PDXDC1: variants seen among roughly 807,000 people sequenced by gnomAD.
The protein encoded by PDXDC1 is pyridoxal-dependent decarboxylase domain-containing protein 1.
Under a neutral mutation model 100.1 loss-of-function variants are expected in PDXDC1, and 42 were observed. That is an observed-to-expected ratio of 0.42 (90% CI 0.33 to 0.54). The LOEUF is 0.54. PDXDC1 is among the 20% of genes least tolerant of loss of function. The pLI, the probability that PDXDC1 is intolerant of heterozygous loss-of-function variation, is 0.10. For synonymous variants in PDXDC1, 260 were observed against 371.7 expected, an observed-to-expected ratio of 0.70 and a Z score of 3.46; for missense variants, 636 against 979.2, an observed-to-expected ratio of 0.65 and a Z score of 4.68.
intron 16 of PDXDC1, among the ~76,000 whole-genome samples, chr16:15,074,068 C>T (rs970565475): frequency 5.3e-5 from 8 of 152,188 alleles, no homozygotes; most frequent in African/African-American, 1.7e-4. Context: ...CTTCAAAATG[C>T]TCACAATGGT....
chr16:15,094,162 C>T, intron 16 of PDXDC1: 1 of 1,601,344 alleles, frequency 6.2e-7, no homozygotes, highest in South Asian at 1.1e-5. Flanking sequence ...TCGACGCGCC[C>T]AGCTTCTTAA....
chr16:15,005,317 A>AAAAGAAAG (rs1555551931), intron 5 of PDXDC1, among the ~76,000 whole-genome samples: 2 of 146,906 alleles, frequency 1.4e-5, no homozygotes, highest in East Asian at 2.1e-4. Flanking sequence ...AAAAAAAAAA[A>AAAAGAAAG]AAAGAAAACT....
rs1182878539 is a variant in PDXDC1, at chr16:15,034,328, G to A, written c.1855G>A (p.Glu619Lys). Residue 619 changes from glutamate (E) to lysine (K), a missense_variant, in exon 20 of 23, where the codon GAA (glutamate) becomes AAA (lysine). By Grantham distance (56) the Glu-to-Lys change is moderately conservative. Coordinates refer to ENST00000396410, the MANE Select transcript of PDXDC1 (RefSeq NM_015027.4). ...AGAAGTGGTTCGGAAAGGCATTCAGGAAGCTCAAGTGGAGCTGCAGAAGGC... is the reference window on the plus strand; with the variant it reads ...AGAAGTGGTTCGGAAAGGCATTCAGAAAGCTCAAGTGGAGCTGCAGAAGGC... ...MTEVVRKGIQEAQVELQKASE... is the reference protein window; with the variant it reads ...MTEVVRKGIQKAQVELQKASE... 2 of 1,613,480 alleles carry A rather than the reference G, an allele frequency of 1.2e-6. No individual in the cohort carries two copies. Among genetic ancestry groups the A allele is most frequent in the South Asian group, 2.2e-5 (2 of 91,056 alleles).
rs2048291480 is a variant in PDXDC1 at position 15,135,204 on chromosome 16, A to G, written c.1400-3675A>G. The G allele has an allele frequency of 6.4e-6, 5 of 778,336 alleles. 1 individual carries two copies. The East Asian group carries it at 1.3e-4, about 21-fold the overall frequency. 48.2% of individuals were successfully genotyped at this position (778,336 alleles called of 1,614,324 possible). A position where few individuals can be genotyped will look rare whatever the true frequency, so the allele number is the denominator to read the frequency against. ...AGAGCGCGCGGCCTCCACCAGCACTAAAACACGGAAAACAGTAGATGAGCA... is the reference window on the plus strand; with the variant it reads ...AGAGCGCGCGGCCTCCACCAGCACTGAAACACGGAAAACAGTAGATGAGCA... On this transcript the variant is annotated intron_variant, in intron 16 of 16. Transcript: ENST00000535621.
intron 1 of PDXDC1, among the ~76,000 whole-genome samples, chr16:14,996,117 C>T (rs1367667873): frequency 2.0e-5 from 3 of 152,286 alleles, no homozygotes; most frequent in Non-Finnish European, 4.4e-5. Flanking sequence ...ACCCTTCCTT[C>T]TCAGAGTCCT....
At chr16:15,038,629 G>T, downstream of PDXDC1, 1 of 1,610,148 alleles carries the variant, frequency 6.2e-7, no homozygotes, top group African/African-American at 1.3e-5. Flanking sequence ...TGGAAATGGT[G>T]TCCAGGAGTA....
At chr16:15,030,544 CAAAAAAAAA>C (rs1156634836) in intron 16 of PDXDC1, among the ~76,000 whole-genome samples, 9 of 38,388 alleles carry the variant, frequency 2.3e-4, no homozygotes, top group South Asian at 1.9e-3. Context: ...GACTCCATCT[CAAAAAAAAA>C]AAAAAAAAAA....
At chr16:15,030,822 T>G (rs2043006628) in intron 16 of PDXDC1, among the ~76,000 whole-genome samples, 1 of 152,058 alleles carries the variant, frequency 6.6e-6, no homozygotes, top group East Asian at 1.9e-4. Flanking sequence ...TGATGTCTTG[T>G]GACTCTCGAT....
Position 15,035,585 on chromosome 16 carries a change from A to G in PDXDC1, c.2107+32A>G, listed in dbSNP as rs1489934668. On this transcript the variant is annotated intron_variant, in intron 22 of 22. Coordinates refer to ENST00000396410, the MANE Select transcript of PDXDC1 (RefSeq NM_015027.4). ...GACGCCTCTGCACCGAGTTCAGGTAACAGGTTTCCCCTGTTGACTGTTACT... is the reference window on the plus strand; with the variant it reads ...GACGCCTCTGCACCGAGTTCAGGTAGCAGGTTTCCCCTGTTGACTGTTACT... 3 of 1,367,330 alleles carry G rather than the reference A, an allele frequency of 2.2e-6. No individual in the cohort carries two copies. The South Asian group carries it at 3.7e-5, about 17-fold the overall frequency. The allele number at this position is 1,367,330 out of a possible 1,614,324, so 84.7% of individuals were successfully genotyped here.
intron 16 of PDXDC1, chr16:15,104,221 G>C: frequency 2.7e-6 from 3 of 1,122,674 alleles, no homozygotes; most frequent in East Asian, 2.7e-5. Context: ...CACTTCTAAA[G>C]ATTAAAAAAA....
At chr16:15,144,924 G>A in the PDXDC1 span, among the ~76,000 whole-genome samples, 7 of 152,172 alleles carry the variant, frequency 4.6e-5, no homozygotes, top group Non-Finnish European at 1.0e-4. Flanking sequence ...CCAGTTCAAG[G>A]GGAGAATGAG....
chr16:14,980,160 G>A (rs1460954676), intron 1 of PDXDC1, among the ~76,000 whole-genome samples: 2 of 152,290 alleles, frequency 1.3e-5, no homozygotes, highest in African/African-American at 4.8e-5. Context: ...ATTTTGCAGG[G>A]GAAGTCAGTG....
intron 1 of PDXDC1, among the ~76,000 whole-genome samples, chr16:14,979,904 C>T (rs1211953560): frequency 2.0e-5 from 3 of 152,374 alleles, no homozygotes; most frequent in East Asian, 1.9e-4. Context: ...GACCAGTTTC[C>T]GTGTATGGCT....
rs1358095848 is a variant in PDXDC1, at chr16:15,133,704, C to T, written c.1400-5175C>T. ...CCAGCATCCTCCGCGTCATGCCAGC[C>T]TGAGGGACGGTCCCCATGGCATCAC... On this transcript the variant is annotated intron_variant, in intron 16 of 16. Transcript: ENST00000535621. The T allele has an allele frequency of 6.4e-5, 102 of 1,603,506 alleles. 1 individual carries two copies. The Admixed American group carries it at 1.6e-3, about 26-fold the overall frequency.
At chr16:15,043,171 A>G (rs1411723607), downstream of PDXDC1, among the ~76,000 whole-genome samples, 1 of 152,100 alleles carries the variant, frequency 6.6e-6, no homozygotes, top group Non-Finnish European at 1.5e-5. Flanking sequence ...AAGTGCTGGG[A>G]TTACAGGCAT....
intron 1 of PDXDC1, among the ~76,000 whole-genome samples, chr16:14,983,487 C>A (rs1186390346): frequency 1.4e-5 from 2 of 146,062 alleles, no homozygotes; most frequent in Non-Finnish European, 3.0e-5. Flanking sequence ...GCAGGAGAAT[C>A]GCTTGAACCC....
chr16:15,055,898 G>A (rs2044492807), intron 16 of PDXDC1: 1 of 1,230,332 alleles, frequency 8.1e-7, no homozygotes, highest in Non-Finnish European at 1.0e-6. Context: ...CACCTCCAAA[G>A]GCGGGTGGGC....
intron 3 of PDXDC1, among the ~76,000 whole-genome samples, chr16:15,000,812 A>G (rs911994200): frequency 2.2e-4 from 33 of 151,652 alleles, no homozygotes; most frequent in Admixed American, 4.6e-4. Flanking sequence ...CAAGATCCCT[A>G]TGGAGGAAAA....
At chr16:15,147,265 C>T in the PDXDC1 span, among the ~76,000 whole-genome samples, 13 of 152,298 alleles carry the variant, frequency 8.5e-5, no homozygotes, top group Non-Finnish European at 1.5e-4. Context: ...GACTCGGAAG[C>T]GCCACTGCCA....
Sources: gnomAD v4.1 joint callset for allele counts (sites outside exome capture counted in the v4.1 genomes callset) on GRCh38, gnomAD v4.1.1 for gene constraint, MANE v1.5 for transcripts, NCBI Gene and HGNC (gene_info 2026-07-23, HGNC 2026-07-21) for gene names.